Variants in ANKS1B observed in about 807,000 individuals in gnomAD.
ANKS1B encodes ankyrin repeat and sterile alpha motif domain containing 1B.
A neutral mutation model predicts 148.3 loss-of-function variants in ANKS1B; 36 were observed. The ratio of observed to expected loss-of-function variants is 0.24; its 90% CI spans 0.19 to 0.32. The LOEUF (loss-of-function observed/expected upper bound fraction) is 0.32. ANKS1B is among the 10% of genes least tolerant of loss of function. The pLI is 1.00. For missense variants in ANKS1B, 1,157 were observed against 1,542.6 expected (o/e 0.75, Z 4.19); for synonymous variants, 542 against 560.8 (o/e 0.97, Z 0.47).
chr12:98,969,032 C>A (rs978306488), intron 17 of ANKS1B, among the ~76,000 whole-genome samples: 1 of 152,252 alleles, frequency 6.6e-6, no homozygotes. Flanking sequence ...TAACATCCAG[C>A]CCCCAGAACA....
At chr12:98,955,790 T>C (rs1451177784) in intron 17 of ANKS1B, among the ~76,000 whole-genome samples, 11 of 152,262 alleles carry the variant, frequency 7.2e-5, no homozygotes, top group Non-Finnish European at 1.6e-4. Flanking sequence ...TTAGGGAAGA[T>C]TAGGAACTTA....
chr12:98,821,513 G>C (rs950752219), intron 19 of ANKS1B, among the ~76,000 whole-genome samples: 1 of 149,856 alleles, frequency 6.7e-6, no homozygotes, highest in Admixed American at 6.8e-5. Flanking sequence ...CTCTCTCTCT[G>C]TCTCTCTCTC....
intron 8 of ANKS1B, among the ~76,000 whole-genome samples, chr12:99,741,206 A>ACACACAC (rs1555580360): frequency 7.4e-6 from 1 of 135,338 alleles, no homozygotes; most frequent in African/African-American, 2.8e-5. Context: ...GGCTCCGTCA[A>ACACACAC]ACACACACAC....
chr12:99,003,532 T>A (rs1277088281), intron 17 of ANKS1B, among the ~76,000 whole-genome samples: 2 of 152,218 alleles, frequency 1.3e-5, no homozygotes, highest in Non-Finnish European at 2.9e-5. Context: ...TCAGAGCCCA[T>A]GAAGATAATA....
chr12:99,451,612 T>C (rs1051741048), intron 10 of ANKS1B, among the ~76,000 whole-genome samples: 2 of 152,118 alleles, frequency 1.3e-5, no homozygotes, highest in Non-Finnish European at 2.9e-5. Context: ...TTGAATAAAA[T>C]ATAATATTCA....
chr12:99,940,666 G>T (rs1473526473), intron 1 of ANKS1B, among the ~76,000 whole-genome samples: 1 of 152,118 alleles, frequency 6.6e-6, no homozygotes, highest in Non-Finnish European at 1.5e-5. Context: ...CTATGAGAAA[G>T]ATACTAAGAT....
intron 17 of ANKS1B, among the ~76,000 whole-genome samples, chr12:99,004,091 C>G (rs986307890): frequency 6.6e-6 from 1 of 152,124 alleles, no homozygotes; most frequent in Non-Finnish European, 1.5e-5. Context: ...GATATAGGTC[C>G]GCCATTCTGT....
At chr12:98,764,703 C>T (rs2098457746) in intron 25 of ANKS1B, among the ~76,000 whole-genome samples, 1 of 152,166 alleles carries the variant, frequency 6.6e-6, no homozygotes, top group South Asian at 2.1e-4. Flanking sequence ...TACCTGATAC[C>T]CTGAGTTCAC....
At chr12:98,796,876 C>T (rs1043236569) in intron 22 of ANKS1B, among the ~76,000 whole-genome samples, 3 of 152,098 alleles carry the variant, frequency 2.0e-5, no homozygotes, top group African/African-American at 7.2e-5. Context: ...TTTTCTATTG[C>T]TATCAGGATG....
chr12:99,726,136 A>G (rs952129947), intron 8 of ANKS1B, among the ~76,000 whole-genome samples: 2 of 152,296 alleles, frequency 1.3e-5, no homozygotes, highest in Admixed American at 6.5e-5. Context: ...AATAACTAAG[A>G]TCAGAGCAGA....
intron 25 of ANKS1B, among the ~76,000 whole-genome samples, chr12:98,756,694 C>A (rs1267587658): frequency 6.6e-6 from 1 of 151,492 alleles, no homozygotes; most frequent in Admixed American, 6.6e-5. Flanking sequence ...TGACTGCACT[C>A]CAGCCTGGGT....
At chr12:99,860,165 A>G (rs1015343340) in intron 1 of ANKS1B, among the ~76,000 whole-genome samples, 5 of 152,230 alleles carry the variant, frequency 3.3e-5, no homozygotes, top group Admixed American at 3.3e-4. Flanking sequence ...GTTAAGATAA[A>G]ATTCTATTTA....
intron 12 of ANKS1B, among the ~76,000 whole-genome samples, chr12:99,373,207 G>T (rs2093233339): frequency 6.6e-6 from 1 of 152,088 alleles, no homozygotes; most frequent in African/African-American, 2.4e-5. Flanking sequence ...TGGGGTAATT[G>T]TTCCCAAGGA....
chr12:98,851,349 T>C (rs1237414857), intron 17 of ANKS1B, among the ~76,000 whole-genome samples: 3 of 152,138 alleles, frequency 2.0e-5, no homozygotes, highest in African/African-American at 7.2e-5. Context: ...GGGGATGGCC[T>C]CACGGAATAG....
At chr12:99,392,197 G>C (rs914545992) in intron 12 of ANKS1B, among the ~76,000 whole-genome samples, 1 of 152,226 alleles carries the variant, frequency 6.6e-6, no homozygotes, top group Non-Finnish European at 1.5e-5. Context: ...TCAGCTGCCT[G>C]TGTCCAGTGG....
intron 12 of ANKS1B, among the ~76,000 whole-genome samples, chr12:99,310,575 T>C (rs377287929): frequency 1.3e-5 from 2 of 152,132 alleles, no homozygotes; most frequent in East Asian, 3.9e-4. Flanking sequence ...AACTGAAACG[T>C]TGGCTGTTTC....
intron 10 of ANKS1B, among the ~76,000 whole-genome samples, chr12:99,478,646 C>T (rs1485671005): frequency 6.6e-6 from 1 of 151,998 alleles, no homozygotes; most frequent in East Asian, 1.9e-4. Context: ...TTGAAATGTA[C>T]AGAACTAGCC....
intron 10 of ANKS1B, among the ~76,000 whole-genome samples, chr12:99,461,812 C>T (rs117249153): frequency 0.024 from 3,686 of 152,268 alleles, 62 homozygotes; most frequent in Non-Finnish European, 0.037. Context: ...ATTACCATGT[C>T]TAAGGCTAAC....
At chr12:99,926,857 T>A (rs2031780261) in intron 1 of ANKS1B, among the ~76,000 whole-genome samples, 1 of 152,142 alleles carries the variant, frequency 6.6e-6, no homozygotes, top group Non-Finnish European at 1.5e-5. Flanking sequence ...TACTATCTTG[T>A]CTTCTCATTG....
Sources: gnomAD v4.1 joint callset for allele counts (sites outside exome capture counted in the v4.1 genomes callset) on GRCh38, gnomAD v4.1.1 for gene constraint, MANE v1.5 for transcripts, NCBI Gene and HGNC (gene_info 2026-07-23, HGNC 2026-07-21) for gene names.